The following CD247 variants were observed in gnomAD, a reference collection of about 807,000 sequenced individuals.
CD247 encodes the protein CD247 molecule.
A neutral mutation model predicts 30.0 loss-of-function variants in CD247; 13 were observed. The ratio of observed to expected loss-of-function variants is 0.43; its 90% CI spans 0.28 to 0.69. The LOEUF is 0.69. CD247 is among the 30% of genes least tolerant of loss of function. The pLI is 0.16. For synonymous variants in CD247, 72 were observed against 80.0 expected, an observed-to-expected ratio of 0.90 and a Z score of 0.53; for missense variants, 193 against 212.6, an observed-to-expected ratio of 0.91 and a Z score of 0.57.
chr1:167,473,010 C>T (rs966031894), intron 1 of CD247, among the ~76,000 whole-genome samples: 3 of 152,124 alleles, frequency 2.0e-5, no homozygotes, highest in African/African-American at 7.2e-5. Flanking sequence ...ACCACCTTTG[C>T]CCTCCAGCCC....
intron 1 of CD247, among the ~76,000 whole-genome samples, chr1:167,446,626 TG>T (rs1278139214): frequency 6.6e-6 from 1 of 152,156 alleles, no homozygotes; most frequent in African/African-American, 2.4e-5. Context: ...ATGCCACGGT[TG>T]GGGACAGAAC....
intron 1 of CD247, among the ~76,000 whole-genome samples, chr1:167,496,148 A>G (rs1654681623): frequency 6.6e-6 from 1 of 152,178 alleles, no homozygotes; most frequent in Non-Finnish European, 1.5e-5. Context: ...AATGAATAGC[A>G]TTAGTAGTGG....
chr1:167,440,125 G>T (rs1438049378), intron 2 of CD247: 1 of 167,456 alleles, frequency 6.0e-6, no homozygotes, highest in Non-Finnish European at 1.3e-5. Context: ...ACAAGAAATG[G>T]GTTGAGAAGC....
chr1:167,451,070 G>A (rs1032382934), intron 1 of CD247, among the ~76,000 whole-genome samples: 48 of 152,068 alleles, frequency 3.2e-4, no homozygotes, highest in Admixed American at 3.1e-3. Context: ...CCGGGCAGAG[G>A]AGCAGAGGTG....
chr1:167,487,850 C>T (rs768497476), intron 1 of CD247, among the ~76,000 whole-genome samples: 7 of 152,222 alleles, frequency 4.6e-5, no homozygotes, highest in Non-Finnish European at 1.0e-4. Flanking sequence ...TCTGCCTCAG[C>T]CTCCTGAGTA....
intron 1 of CD247, among the ~76,000 whole-genome samples, chr1:167,492,036 A>G (rs1198557317): frequency 6.6e-6 from 1 of 152,216 alleles, no homozygotes; most frequent in African/African-American, 2.4e-5. Context: ...AAAGAATTCT[A>G]GAGACGGATG....
At chr1:167,443,886 G>A (rs1465689355) in intron 1 of CD247, among the ~76,000 whole-genome samples, 1 of 152,186 alleles carries the variant, frequency 6.6e-6, no homozygotes, top group Non-Finnish European at 1.5e-5. Flanking sequence ...TGGGAGAGAT[G>A]GGCCTGAGGA....
At chr1:167,433,624 C>CTTAATTGTTGATGAAAAA (rs1651385176) in intron 6 of CD247, among the ~76,000 whole-genome samples, 1 of 152,146 alleles carries the variant, frequency 6.6e-6, no homozygotes, top group African/African-American at 2.4e-5. Context: ...TTTTGAAATT[C>CTTAATTGTTGATGAAAAA]TTAATTGTTG....
chr1:167,438,215 C>T (rs1055084164), intron 4 of CD247, among the ~76,000 whole-genome samples: 6 of 152,186 alleles, frequency 3.9e-5, no homozygotes, highest in Admixed American at 1.3e-4. Flanking sequence ...ATCCAGGGGT[C>T]TTGGGCCCTT....
intron 1 of CD247, among the ~76,000 whole-genome samples, chr1:167,468,297 C>A (rs922989643): frequency 6.6e-6 from 1 of 152,182 alleles, no homozygotes; most frequent in African/African-American, 2.4e-5. Context: ...ACAAAATTAT[C>A]TTTTCTCTAT....
intron 4 of CD247, among the ~76,000 whole-genome samples, chr1:167,437,071 G>A (rs779419003): frequency 1.3e-5 from 2 of 152,048 alleles, no homozygotes; most frequent in African/African-American, 2.4e-5. Context: ...GGCTGGGCGC[G>A]GGGGCTTACA....
intron 1 of CD247, among the ~76,000 whole-genome samples, chr1:167,501,137 C>T (rs112648000): frequency 4.0e-5 from 6 of 151,522 alleles, no homozygotes; most frequent in Non-Finnish European, 8.8e-5. Flanking sequence ...TCACCACAAC[C>T]TCCGCCTCCC....
chr1:167,511,818 C>T (rs1400553583), intron 1 of CD247, among the ~76,000 whole-genome samples: 2 of 151,948 alleles, frequency 1.3e-5, no homozygotes, highest in Non-Finnish European at 2.9e-5. Flanking sequence ...TGGTTCTACT[C>T]GTAGGCAAGT....
chr1:167,438,472 A>G (rs1651652517), intron 4 of CD247, 98 bp downstream of exon 4: 1 of 931,878 alleles, frequency 1.1e-6, no homozygotes, highest in African/African-American at 1.6e-5. Context: ...GTGAGGGTCG[A>G]GTCTGGTTGC....
chr1:167,449,899 G>T (rs1186490024), intron 1 of CD247, among the ~76,000 whole-genome samples: 37 of 151,858 alleles, frequency 2.4e-4, no homozygotes, highest in Admixed American at 2.4e-3. Context: ...TGTCAGCCTG[G>T]GTGACAAAGT....
At chr1:167,454,837 G>T (rs1652557640) in intron 1 of CD247, among the ~76,000 whole-genome samples, 2 of 152,240 alleles carry the variant, frequency 1.3e-5, no homozygotes, top group African/African-American at 4.8e-5. Flanking sequence ...GGGGCGGAGG[G>T]GGAGCCAGGA....
At chr1:167,506,309 C>T (rs1177507987) in intron 1 of CD247, among the ~76,000 whole-genome samples, 2 of 135,578 alleles carry the variant, frequency 1.5e-5, no homozygotes, top group Non-Finnish European at 3.1e-5. Context: ...CTTTTCCTTT[C>T]CTTTCTTTTC....
At chr1:167,456,187 G>C (rs894849189) in intron 1 of CD247, among the ~76,000 whole-genome samples, 1 of 152,204 alleles carries the variant, frequency 6.6e-6, no homozygotes, top group Non-Finnish European at 1.5e-5. Context: ...CCAGTGCATG[G>C]AGAGCGCTAA....
intron 1 of CD247, among the ~76,000 whole-genome samples, chr1:167,452,591 G>T (rs1290610497): frequency 2.0e-5 from 3 of 152,180 alleles, no homozygotes; most frequent in Non-Finnish European, 4.4e-5. Flanking sequence ...GTGCTGGGCA[G>T]TGAGGGTGGA....
Sources: allele counts gnomAD v4.1 joint callset (sites outside exome capture counted in the v4.1 genomes callset), GRCh38; gene constraint gnomAD v4.1.1; transcripts MANE v1.5; gene names NCBI Gene and HGNC (gene_info 2026-07-23, HGNC 2026-07-21).